The following TRIT1 variants were observed in gnomAD, a reference collection of about 807,000 sequenced individuals.
TRIT1 encodes tRNA dimethylallyltransferase.
Under a neutral mutation model 51.2 loss-of-function variants are expected in TRIT1, and 43 were observed. The observed-to-expected ratio is 0.84, with a 90% CI of 0.66 to 1.08. TRIT1 has a LOEUF of 1.08. TRIT1 is among the 50% of genes least tolerant of loss of function. The pLI, the probability that TRIT1 is intolerant of heterozygous loss-of-function variation, is 0.00. For missense variants in TRIT1, 528 were observed against 578.4 expected (o/e 0.91, Z 0.89); for synonymous variants, 184 against 203.9 (o/e 0.90, Z 0.83).
At chr1:39,866,033 AAAG>A (rs1312011918) in intron 1 of TRIT1, among the ~76,000 whole-genome samples, 2 of 150,402 alleles carry the variant, frequency 1.3e-5, no homozygotes, top group Non-Finnish European at 2.9e-5. Context: ...AAAGAAAAGA[AAAG>A]AAAAGAAAAA....
intron 10 of TRIT1, 28 bp downstream of exon 10, chr1:39,844,072 AT>A (rs1642077220): frequency 6.5e-7 from 1 of 1,534,844 alleles, no homozygotes. Context: ...ACCCTTATAG[AT>A]TTCTTCATGC....
At chr1:39,875,630 T>C (rs747514337) in intron 1 of TRIT1, among the ~76,000 whole-genome samples, 14 of 152,334 alleles carry the variant, frequency 9.2e-5, no homozygotes, top group Non-Finnish European at 7.3e-5. Context: ...GTACCCTCTA[T>C]GCCAGATAGT....
At chr1:39,842,561 G>C (rs1373510118) in intron 10 of TRIT1, among the ~76,000 whole-genome samples, 2 of 152,124 alleles carry the variant, frequency 1.3e-5, no homozygotes, top group African/African-American at 4.8e-5. Flanking sequence ...TCTCTTCTGA[G>C]GGTCCAAGAA....
intron 1 of TRIT1, among the ~76,000 whole-genome samples, chr1:39,873,850 C>A (rs1355951960): frequency 6.6e-6 from 1 of 151,912 alleles, no homozygotes; most frequent in African/African-American, 2.4e-5. Context: ...ATGGAGAAAC[C>A]CCATCTCTAC....
At chr1:39,876,036 G>C (rs1340502139) in intron 1 of TRIT1, 1 of 151,978 alleles carries the variant, frequency 6.6e-6, no homozygotes, top group African/African-American at 2.4e-5. Flanking sequence ...CCACAATGAG[G>C]GAGGTACAGG....
Position 39,872,962 on chromosome 1 carries a change from T to C in TRIT1, c.174+10356A>G, listed in dbSNP as rs148610864. On this transcript the variant is annotated intron_variant, in intron 1 of 10. Coordinates refer to ENST00000316891, the MANE Select transcript of TRIT1 (RefSeq NM_017646.6). ...CAGAGGGTGAAACTTTAAGGAGAAA[T>C]AGGACATCTGCATAGCCTGAGGGTA... Among the ~76,000 whole-genome samples the C allele has an allele frequency of 4.1e-3, 621 of 152,168 alleles. 11 individuals carry two copies. The highest frequency in any genetic ancestry group is 0.014 in the African/African-American group (602 of 41,520).
intron 1 of TRIT1, among the ~76,000 whole-genome samples, chr1:39,865,472 A>G (rs1434861144): frequency 6.6e-6 from 1 of 152,162 alleles, no homozygotes; most frequent in Non-Finnish European, 1.5e-5. Flanking sequence ...GTGGTGCCAG[A>G]CCTGTATATT....
chr1:39,842,352 T>A (rs373288570), intron 10 of TRIT1, among the ~76,000 whole-genome samples: 143 of 152,380 alleles, frequency 9.4e-4, no homozygotes, highest in African/African-American at 3.3e-3. Flanking sequence ...CTGTTATAGA[T>A]GCATTTTTAA....
intron 1 of TRIT1, among the ~76,000 whole-genome samples, chr1:39,881,166 C>T (rs1003751258): frequency 5.4e-5 from 8 of 147,694 alleles, no homozygotes; most frequent in African/African-American, 2.0e-4. Context: ...GCAGAGGTTG[C>T]AGTGAGCCAA....
intron 4 of TRIT1, among the ~76,000 whole-genome samples, chr1:39,851,614 C>G (rs1026190485): frequency 1.3e-5 from 2 of 151,850 alleles, no homozygotes; most frequent in African/African-American, 4.8e-5. Context: ...TGTGCCCCAC[C>G]CCCCTGCCGT....
chr1:39,862,766 T>C, intron 1 of TRIT1: 1 of 985,116 alleles, frequency 1.0e-6, no homozygotes, highest in Non-Finnish European at 1.2e-6. Context: ...GTGAGATTTG[T>C]AGCTGAATCT....
At chr1:39,880,268 T>TAAAAAA (rs1553148795) in intron 1 of TRIT1, among the ~76,000 whole-genome samples, 23 of 94,880 alleles carry the variant, frequency 2.4e-4, no homozygotes, top group African/African-American at 3.9e-4. Flanking sequence ...AGACCTCAAA[T>TAAAAAA]AAAAAAAAAA....
chr1:39,863,813 A>G (rs1233144707), intron 1 of TRIT1, among the ~76,000 whole-genome samples: 1 of 152,140 alleles, frequency 6.6e-6, no homozygotes, highest in Admixed American at 6.5e-5. Flanking sequence ...AAGATATGGA[A>G]AAAACAAAAA....
intron 2 of TRIT1, among the ~76,000 whole-genome samples, chr1:39,854,554 A>G (rs1029543570): frequency 2.6e-5 from 4 of 152,128 alleles, no homozygotes; most frequent in Non-Finnish European, 5.9e-5. Context: ...GGCTTGACCA[A>G]ATTAAGTGAG....
At position 39,841,545 on chromosome 1, in the gene TRIT1, A is replaced by G. The variant is rs1641903313; in HGVS notation, c.*199T>C. The G allele has an allele frequency of 2.0e-6, 1 of 493,654 alleles. No individual in the cohort carries two copies. 30.6% of individuals were successfully genotyped at this position (493,654 alleles called of 1,614,324 possible). On this transcript the variant is annotated 3_prime_UTR_variant, in exon 11 of 11. Coordinates refer to ENST00000316891, the MANE Select transcript of TRIT1 (RefSeq NM_017646.6). ...CATCATTTCCAGACACATCAGCCAC[A>G]CAAGGAGCTGACAAGACCTGCTGTT...
At chr1:39,877,019 CA>C (rs529375001) in intron 1 of TRIT1, among the ~76,000 whole-genome samples, 1,198 of 74,592 alleles carry the variant, frequency 0.016, 14 homozygotes, top group African/African-American at 0.044. Flanking sequence ...AATGGGTCTT[CA>C]AAAAAAAAAA....
chr1:39,870,212 C>A (rs964966816), intron 1 of TRIT1, among the ~76,000 whole-genome samples: 1 of 152,128 alleles, frequency 6.6e-6, no homozygotes, highest in Non-Finnish European at 1.5e-5. Flanking sequence ...GGCCTTACCC[C>A]CAACCCCGTG....
In TRIT1 at chr1:39,841,585, C is replaced by T. The variant is rs1641904620; in HGVS notation, c.*159G>A. 11 of 661,816 alleles carry T rather than the reference C, an allele frequency of 1.7e-5. No individual in the cohort carries two copies. Among genetic ancestry groups the T allele is most frequent in the Admixed American group, 5.6e-5 (2 of 35,550 alleles). The allele number at this position is 661,816 out of a possible 1,614,324, so 41.0% of individuals were successfully genotyped here. On this transcript the variant is annotated 3_prime_UTR_variant, in exon 11 of 11. Coordinates refer to ENST00000316891, the MANE Select transcript of TRIT1 (RefSeq NM_017646.6). Reference sequence around the variant, plus strand: ...GACCTGCTGTTTCTATTATAGAGAACGTGAGACTTTAAAACCACATCAAAA... The same window carrying T: ...GACCTGCTGTTTCTATTATAGAGAATGTGAGACTTTAAAACCACATCAAAA...
rs912065577 is a variant in TRIT1 at position 39,840,918 on chromosome 1, C to T, written c.*826G>A. ...GACTATAACGTGTTAAATAAACACC[C>T]GCTACATAAATGAACAGACAGCATG... On this transcript the variant is annotated 3_prime_UTR_variant, in exon 11 of 11. Coordinates refer to ENST00000316891, the MANE Select transcript of TRIT1 (RefSeq NM_017646.6). 3.9e-5 allele frequency: 6 copies of T among 151,956 alleles called. No individual in the cohort carries two copies. The highest frequency in any genetic ancestry group is 1.9e-4 in the East Asian group (1 of 5,202). 9.4% of individuals were successfully genotyped at this position (151,956 alleles called of 1,614,324 possible).
Sources: allele counts gnomAD v4.1 joint callset (sites outside exome capture counted in the v4.1 genomes callset), GRCh38; gene constraint gnomAD v4.1.1; transcripts MANE v1.5; gene names NCBI Gene and HGNC (gene_info 2026-07-23, HGNC 2026-07-21).